The following TFDP2 variants were observed in gnomAD, a reference collection of about 807,000 sequenced individuals.
TFDP2 encodes transcription factor Dp-2 (E2F dimerization partner 2).
A neutral mutation model predicts 59.3 loss-of-function variants in TFDP2; 17 were observed. That is an observed-to-expected ratio of 0.29 (90% CI 0.20 to 0.43). TFDP2 has a LOEUF of 0.43. Among genes scored for constraint, TFDP2 ranks in the 20% least tolerant of loss-of-function variants. The pLI, the probability that TFDP2 is intolerant of heterozygous loss-of-function variation, is 1.00. For synonymous variants in TFDP2, 180 were observed against 194.7 expected (o/e 0.92, Z 0.63); for missense variants, 391 against 528.8 (o/e 0.74, Z 2.56).
chr3:141,964,322 A>G (rs1937625824), intron 9 of TFDP2, among the ~76,000 whole-genome samples: 1 of 152,168 alleles, frequency 6.6e-6, no homozygotes, highest in Non-Finnish European at 1.5e-5. Flanking sequence ...GGGATATGCA[A>G]ACATTTTAAA....
rs946991203 is a variant in TFDP2 at position 141,948,967 on chromosome 3, A to G, written c.*3546T>C. 6.0e-5 allele frequency: 9 copies of G among 150,352 alleles called. No individual in the cohort carries two copies. The highest frequency in any genetic ancestry group is 1.5e-4 in the African/African-American group (6 of 40,698). The allele number at this position is 150,352 out of a possible 1,614,324, so 9.3% of individuals were successfully genotyped here. On this transcript the variant is annotated 3_prime_UTR_variant, in exon 13 of 13. Transcript: ENST00000489671. ...AAAATACAAAAAAAATTAGCCAGGC[A>G]TGGTCCCAGCTGAGGCAGGAGAATG...
chr3:142,043,917 C>T, intron 3 of TFDP2: 1 of 882,976 alleles, frequency 1.1e-6, no homozygotes, highest in Middle Eastern at 3.0e-4. Context: ...GCAGAATCCA[C>T]ATGACCTTCT....
Position 142,013,452 on chromosome 3 carries a change from A to G in TFDP2, c.83-7908T>C, listed in dbSNP as rs554383694. Among the ~76,000 whole-genome samples the G allele has an allele frequency of 7.9e-4, 121 of 152,352 alleles. 1 individual carries two copies. Among genetic ancestry groups the G allele is most frequent in the African/African-American group, 2.9e-3 (121 of 41,588 alleles). ...AAATTCCAGCCAGGCTGAGAGAAGT[A>G]AAGTCTAAACAGTTTTTCCTAAGTG... On this transcript the variant is annotated intron_variant, in intron 3 of 12. Coordinates refer to ENST00000489671, the MANE Select transcript of TFDP2 (RefSeq NM_001178139.2).
At chr3:141,978,000 G>A (rs772756962) in intron 7 of TFDP2, among the ~76,000 whole-genome samples, 44 of 150,052 alleles carry the variant, frequency 2.9e-4, no homozygotes, top group African/African-American at 3.9e-4. Context: ...GTGAGCCACC[G>A]CGCCTGGCCA....
At chr3:142,063,111 A>C (rs1210534714) in intron 3 of TFDP2, among the ~76,000 whole-genome samples, 1 of 152,224 alleles carries the variant, frequency 6.6e-6, no homozygotes, top group East Asian at 1.9e-4. Context: ...TAAATATAAA[A>C]CATGAATATT....
chr3:141,957,174 G>A lies in TFDP2; in HGVS notation c.1051+2500C>T, dbSNP rs375722168. 6.0e-5 allele frequency among the ~76,000 whole-genome samples: 9 copies of A among 150,970 alleles called. No individual in the cohort carries two copies. In the South Asian group the frequency reaches 6.2e-4, roughly 10 times the overall value. On this transcript the variant is annotated intron_variant, in intron 11 of 12. Coordinates refer to ENST00000489671, the MANE Select transcript of TFDP2 (RefSeq NM_001178139.2). ...TCTACTAAAAATACCAAAACTAACCGGGCATAGCGGCAAGGTGCCTGTAAT... is the reference window on the plus strand; with the variant it reads ...TCTACTAAAAATACCAAAACTAACCAGGCATAGCGGCAAGGTGCCTGTAAT...
intron 1 of TFDP2, among the ~76,000 whole-genome samples, chr3:142,107,621 A>G (rs2061517765): frequency 1.3e-5 from 2 of 152,182 alleles, no homozygotes; most frequent in South Asian, 4.1e-4. Flanking sequence ...CTTCACATGT[A>G]TATCATATCA....
intron 3 of TFDP2, among the ~76,000 whole-genome samples, chr3:142,037,636 G>A (rs1192522603): frequency 1.3e-5 from 2 of 152,164 alleles, no homozygotes; most frequent in East Asian, 3.8e-4. Flanking sequence ...GGTTTTGTGG[G>A]GGGAAAAGTA....
chr3:142,014,998 C>T (rs1449723669), intron 3 of TFDP2, among the ~76,000 whole-genome samples: 1 of 152,156 alleles, frequency 6.6e-6, no homozygotes, highest in Non-Finnish European at 1.5e-5. Context: ...AATTCTTGGC[C>T]TTCAATTTAC....
At chr3:142,134,376 T>C (rs79051002) in intron 1 of TFDP2, among the ~76,000 whole-genome samples, 7,918 of 151,134 alleles carry the variant, frequency 0.052, 728 homozygotes, top group African/African-American at 0.18. Flanking sequence ...AAAGAAAATA[T>C]AAACTGAGAG....
Position 141,970,098 on chromosome 3 carries a change from G to A in TFDP2, c.707C>T (p.Ala236Val), listed in dbSNP as rs1939485622. The A allele has an allele frequency of 8.7e-6, 14 of 1,614,130 alleles. No homozygotes were observed. The highest frequency in any genetic ancestry group is 1.3e-5 in the African/African-American group (1 of 75,046). ...CTGTAGGAGAAGTTCTTGCAGCTGG[G>A]CCCGCTTCTGCTTTATCCGTTCTAT... ...RRIERIKQKR[A>V]QLQELLLQQI... is the part of the protein sequence containing the mutation. Residue 236 changes from alanine to valine, a missense_variant, in exon 9 of 13, where the codon GCC becomes GTC. Physicochemically the swap from Ala to Val is moderately conservative, Grantham distance 64. Around this residue, in one of 3 missense-constraint regions of TFDP2, gnomAD observed 223 missense variants for 292.5 expected, o/e 0.76. Coordinates refer to ENST00000489671, the MANE Select transcript of TFDP2 (RefSeq NM_001178139.2).
At chr3:142,031,777 C>T (rs565743410) in intron 3 of TFDP2, among the ~76,000 whole-genome samples, 4 of 152,240 alleles carry the variant, frequency 2.6e-5, no homozygotes, top group Admixed American at 2.6e-4. Context: ...AAATATTAAG[C>T]CCATTTAACA....
At chr3:142,110,758 C>A (rs1042098295) in intron 1 of TFDP2, among the ~76,000 whole-genome samples, 1 of 151,754 alleles carries the variant, frequency 6.6e-6, no homozygotes, top group Non-Finnish European at 1.5e-5. Flanking sequence ...TTCACTCTAG[C>A]GTGGGCAAAA....
At chr3:142,141,622 A>C (rs946273229) in intron 1 of TFDP2, among the ~76,000 whole-genome samples, 5 of 152,142 alleles carry the variant, frequency 3.3e-5, no homozygotes, top group African/African-American at 1.2e-4. Context: ...CAGGAGTTCA[A>C]GACTAGCCTG....
intron 1 of TFDP2, among the ~76,000 whole-genome samples, chr3:142,109,479 CCA>C (rs1448829241): frequency 2.6e-5 from 4 of 152,106 alleles, no homozygotes; most frequent in African/African-American, 9.7e-5. Flanking sequence ...AAGGCATGCG[CCA>C]GCACCCCTGG....
At chr3:142,112,064 T>C (rs1385872755) in intron 1 of TFDP2, among the ~76,000 whole-genome samples, 1 of 143,094 alleles carries the variant, frequency 7.0e-6, no homozygotes, top group Non-Finnish European at 1.5e-5. Context: ...AGACTCTGTC[T>C]AAAAAAAAAA....
chr3:142,106,595 A>G (rs1390517963), intron 1 of TFDP2, among the ~76,000 whole-genome samples: 1 of 152,220 alleles, frequency 6.6e-6, no homozygotes, highest in African/African-American at 2.4e-5. Flanking sequence ...TCAGAGATAA[A>G]CCAGTCATGT....
At chr3:142,023,140 A>G (rs1034621856) in intron 3 of TFDP2, among the ~76,000 whole-genome samples, 72 of 150,644 alleles carry the variant, frequency 4.8e-4, no homozygotes, top group Admixed American at 7.9e-4. Flanking sequence ...AAAAAAAAAA[A>G]AAAGAAAAAG....
chr3:141,974,265 A>G, intron 7 of TFDP2, 74 bp from the exon 8 acceptor site: 1 of 1,233,118 alleles, frequency 8.1e-7, no homozygotes, highest in Non-Finnish European at 1.1e-6. Flanking sequence ...AATATATCAA[A>G]TTAATATTAC....
Sources: gnomAD v4.1 joint callset for allele counts (sites outside exome capture counted in the v4.1 genomes callset) on GRCh38, gnomAD v4.1.1 for gene constraint, gnomAD v4.1.1 regional missense constraint, MANE v1.5 for transcripts, NCBI Gene and HGNC (gene_info 2026-07-23, HGNC 2026-07-21) for gene names.